HHAT: variants seen among roughly 807,000 people sequenced by gnomAD.
HHAT encodes the protein protein-cysteine N-palmitoyltransferase HHAT.
Under a neutral mutation model 70.8 loss-of-function variants are expected in HHAT, and 47 were observed. The observed-to-expected ratio is 0.66, with a 90% CI of 0.53 to 0.85. HHAT has a LOEUF of 0.85. HHAT is among the 40% of genes least tolerant of loss of function. The pLI is 0.00. For synonymous variants in HHAT, 228 were observed against 247.6 expected, an observed-to-expected ratio of 0.92 and a Z score of 0.74; for missense variants, 609 against 604.8, an observed-to-expected ratio of 1.01 and a Z score of -0.07.
intron 9 of HHAT, among the ~76,000 whole-genome samples, chr1:210,535,665 TTGTGTG>T (rs994925933): frequency 6.6e-6 from 1 of 151,490 alleles, no homozygotes; most frequent in Non-Finnish European, 1.5e-5. Flanking sequence ...TGGTGTGTGT[TTGTGTG>T]TGTGTGCATG....
chr1:210,600,707 G>A (rs1265523401), intron 10 of HHAT, among the ~76,000 whole-genome samples: 1 of 152,150 alleles, frequency 6.6e-6, no homozygotes, highest in Non-Finnish European at 1.5e-5. Flanking sequence ...TCCAGGGAGT[G>A]AGGATTTCTG....
intron 9 of HHAT, among the ~76,000 whole-genome samples, chr1:210,586,977 T>C (rs550860262): frequency 3.9e-5 from 6 of 152,334 alleles, no homozygotes; most frequent in South Asian, 4.1e-4. Flanking sequence ...AGCTCTTTTC[T>C]TTATTGTGAA....
At chr1:210,592,875 TTTTC>T (rs1485810732) in intron 10 of HHAT, among the ~76,000 whole-genome samples, 33 of 56,814 alleles carry the variant, frequency 5.8e-4, no homozygotes, top group South Asian at 8.6e-4. Context: ...AAAAACCAAC[TTTTC>T]TTTTTTTTTT....
intron 4 of HHAT, among the ~76,000 whole-genome samples, chr1:210,390,994 C>CT (rs1404852765): frequency 6.6e-6 from 1 of 152,170 alleles, no homozygotes; most frequent in Non-Finnish European, 1.5e-5. Flanking sequence ...ATAATGACTT[C>CT]TTTTCCTTTG....
chr1:210,347,082 T>TGAAAA (rs2086587693), intron 1 of HHAT, among the ~76,000 whole-genome samples: 1 of 152,242 alleles, frequency 6.6e-6, no homozygotes, highest in Non-Finnish European at 1.5e-5. Flanking sequence ...AATACATTAT[T>TGAAAA]GTTAACTATA....
intron 10 of HHAT, among the ~76,000 whole-genome samples, chr1:210,608,361 A>C (rs1172096009): frequency 6.6e-6 from 1 of 152,210 alleles, no homozygotes; most frequent in Non-Finnish European, 1.5e-5. Context: ...GATCACCTTT[A>C]ATATATAGTA....
intron 11 of HHAT, among the ~76,000 whole-genome samples, chr1:210,659,741 C>G (rs1010934386): frequency 6.6e-6 from 1 of 152,214 alleles, no homozygotes; most frequent in Non-Finnish European, 1.5e-5. Flanking sequence ...AGCTTCATCT[C>G]TGGGATGCAA....
chr1:210,381,462 G>T (rs916722276), intron 3 of HHAT, among the ~76,000 whole-genome samples: 28 of 152,052 alleles, frequency 1.8e-4, no homozygotes, highest in Non-Finnish European at 3.8e-4. Flanking sequence ...TGTATTTTTA[G>T]TAGAGATGGG....
chr1:210,505,452 A>T (rs2094836507), intron 8 of HHAT, among the ~76,000 whole-genome samples: 1 of 152,152 alleles, frequency 6.6e-6, no homozygotes, highest in South Asian at 2.1e-4. Context: ...GTTGTATTTC[A>T]ATTATTTCAT....
Position 210,529,339 on chromosome 1 carries a change from C to T in HHAT, c.1043+16151C>T, listed in dbSNP as rs560037024. ...AAAGGAAAAAAAAAAAAAAAGAAAA[C>T]GGGGATATTTGTTGTTAAGCTGATG... On this transcript the variant is annotated intron_variant, in intron 9 of 11. Transcript: ENST00000261458. 2.5e-4 allele frequency among the ~76,000 whole-genome samples: 37 copies of T among 148,766 alleles called. 1 individual carries two copies. Among genetic ancestry groups the T allele is most frequent in the Admixed American group, 5.4e-4 (8 of 14,952 alleles).
chr1:210,434,540 A>C (rs1015015175), intron 7 of HHAT, among the ~76,000 whole-genome samples: 1 of 151,798 alleles, frequency 6.6e-6, no homozygotes, highest in African/African-American at 2.4e-5. Context: ...GGACACCTTC[A>C]GGAAGACACA....
intron 10 of HHAT, among the ~76,000 whole-genome samples, chr1:210,601,420 C>T (rs997112204): frequency 3.9e-5 from 6 of 152,092 alleles, no homozygotes; most frequent in Admixed American, 3.9e-4. Context: ...TTGGTAATGG[C>T]TCATGGCCTT....
chr1:210,455,563 G>T (rs934857603), intron 7 of HHAT, among the ~76,000 whole-genome samples: 3 of 152,032 alleles, frequency 2.0e-5, no homozygotes, highest in Non-Finnish European at 4.4e-5. Flanking sequence ...AGTAAACGTG[G>T]TGACTTGGAG....
At chr1:210,474,095 G>A (rs779916767) in intron 8 of HHAT, among the ~76,000 whole-genome samples, 18 of 151,958 alleles carry the variant, frequency 1.2e-4, no homozygotes, top group Non-Finnish European at 2.2e-4. Flanking sequence ...TTTACGTAGG[G>A]CAGAAATTCC....
intron 8 of HHAT, among the ~76,000 whole-genome samples, chr1:210,499,015 G>A (rs1266289981): frequency 1.3e-5 from 2 of 152,040 alleles, no homozygotes; most frequent in East Asian, 1.9e-4. Flanking sequence ...TGATCTGCCC[G>A]CCTCAGCCTC....
intron 9 of HHAT, among the ~76,000 whole-genome samples, chr1:210,534,062 A>G (rs1451022866): frequency 6.6e-6 from 1 of 152,174 alleles, no homozygotes; most frequent in Non-Finnish European, 1.5e-5. Context: ...ATAGAGTGGA[A>G]GGACATCTTT....
At position 210,534,722 on chromosome 1, in the gene HHAT, T is replaced by G. The variant is rs564468429; in HGVS notation, c.1043+21534T>G. ...TGCATTTGGACAGTGGCCTGACACA[T>G]GAGACCACATGTGGCATTTTCTACT... On this transcript the variant is annotated intron_variant, in intron 9 of 11. Coordinates refer to ENST00000261458, the MANE Select transcript of HHAT (RefSeq NM_018194.6). 1.7e-3 allele frequency among the ~76,000 whole-genome samples: 256 copies of G among 152,328 alleles called. 2 individuals are homozygous for G. Among genetic ancestry groups the G allele is most frequent in the African/African-American group, 5.7e-3 (239 of 41,582 alleles).
intron 9 of HHAT, among the ~76,000 whole-genome samples, chr1:210,532,612 G>A (rs2095326740): frequency 6.6e-6 from 1 of 152,144 alleles, no homozygotes; most frequent in South Asian, 2.1e-4. Flanking sequence ...CAAGAACCAT[G>A]ACATTCTCCA....
chr1:210,493,931 T>C (rs1459748501), intron 8 of HHAT, among the ~76,000 whole-genome samples: 1 of 152,222 alleles, frequency 6.6e-6, no homozygotes, highest in Non-Finnish European at 1.5e-5. Context: ...TCAATCTGTC[T>C]TTAAAGTAGG....
Sources: gnomAD v4.1 joint callset for allele counts (sites outside exome capture counted in the v4.1 genomes callset) on GRCh38, gnomAD v4.1.1 for gene constraint, MANE v1.5 for transcripts, NCBI Gene and HGNC (gene_info 2026-07-23, HGNC 2026-07-21) for gene names.